DPRX: variants seen among roughly 807,000 people sequenced by gnomAD.
DPRX encodes the protein divergent-paired related homeobox.
In DPRX, 11 loss-of-function variants were observed where a neutral mutation model predicts 8.4. That is an observed-to-expected ratio of 1.31 (90% CI 0.82 to 2.17). DPRX has a LOEUF of 2.17. Ranked by LOEUF, DPRX falls within the 30% of genes most tolerant of loss-of-function variation. DPRX has a pLI of 0.00. For synonymous variants in DPRX, 72 were observed against 87.0 expected, an observed-to-expected ratio of 0.83 and a Z score of 0.96; for missense variants, 211 against 236.7, an observed-to-expected ratio of 0.89 and a Z score of 0.71.
chr19:53,609,465 T>C, the DPRX span, among the ~76,000 whole-genome samples: 1 of 16,692 alleles, frequency 6.0e-5, no homozygotes, highest in Non-Finnish European at 9.3e-5. Flanking sequence ...AGACTCGGTC[T>C]CAAAAAAAAA....
At chr19:53,605,082 G>A in the DPRX span, among the ~76,000 whole-genome samples, 1 of 152,048 alleles carries the variant, frequency 6.6e-6, no homozygotes, top group African/African-American at 2.4e-5. Flanking sequence ...GGGAGGCCGA[G>A]GCAGGCGGAC....
the DPRX span, among the ~76,000 whole-genome samples, chr19:53,604,239 C>T: frequency 6.6e-6 from 1 of 151,886 alleles, no homozygotes; most frequent in Non-Finnish European, 1.5e-5. Context: ...TCCGCGGTTT[C>T]GGGCATGTAC....
chr19:53,606,414 GGA>G, the DPRX span: 2 of 152,498 alleles, frequency 1.3e-5, no homozygotes, highest in Non-Finnish European at 2.9e-5. The surrounding 1 kb of genome is among the most constrained non-coding windows in gnomAD (Gnocchi z 4.8). Flanking sequence ...CAGCAGACAG[GGA>G]GAGAGCATCC....
chr19:53,628,642 G>T (rs888348949), upstream of DPRX, among the ~76,000 whole-genome samples: 93 of 151,906 alleles, frequency 6.1e-4, no homozygotes, highest in African/African-American at 2.1e-3. Flanking sequence ...CGGGCAGGAG[G>T]GCAATGACAC....
At chr19:53,608,647 C>T in the DPRX span, among the ~76,000 whole-genome samples, 1 of 152,156 alleles carries the variant, frequency 6.6e-6, no homozygotes, top group African/African-American at 2.4e-5. Flanking sequence ...CACTGAACTG[C>T]ATGCTTTCAA....
chr19:53,624,068 G>T, the DPRX span, among the ~76,000 whole-genome samples: 1 of 143,866 alleles, frequency 7.0e-6, no homozygotes, highest in Non-Finnish European at 1.5e-5. Flanking sequence ...TTAATGCACT[G>T]ATTGTTGTAC....
chr19:53,624,036 G>A, the DPRX span, among the ~76,000 whole-genome samples: 4 of 149,056 alleles, frequency 2.7e-5, no homozygotes, highest in Admixed American at 6.7e-5. Flanking sequence ...ATAAATATGC[G>A]ATGTAAAGAG....
chr19:53,621,695 G>C, the DPRX span, among the ~76,000 whole-genome samples: 1 of 151,862 alleles, frequency 6.6e-6, no homozygotes, highest in Non-Finnish European at 1.5e-5. Context: ...TGAGGCAGGA[G>C]AATCGGTTGA....
chr19:53,627,909 G>C (rs2091077495), upstream of DPRX, among the ~76,000 whole-genome samples: 2 of 151,758 alleles, frequency 1.3e-5, no homozygotes. Flanking sequence ...GCGCTTGCCT[G>C]TAATCCCAGT....
chr19:53,601,393 G>A, the DPRX span: 3,583 of 456,266 alleles, frequency 7.9e-3, 33 homozygotes, highest in Non-Finnish European at 9.4e-3. Flanking sequence ...AGCGTTAACC[G>A]TGAGCACACC....
chr19:53,630,585 C>T (rs1213437241), upstream of DPRX, among the ~76,000 whole-genome samples: 1 of 151,830 alleles, frequency 6.6e-6, no homozygotes, highest in African/African-American at 2.4e-5. Flanking sequence ...ATCACTTGAG[C>T]CCAGTAGGTC....
the DPRX span, among the ~76,000 whole-genome samples, chr19:53,619,685 A>AC: frequency 1.5e-5 from 2 of 137,474 alleles, no homozygotes; most frequent in African/African-American, 5.0e-5. Context: ...CAAAAAAAAA[A>AC]AAAACAAAAA....
At chr19:53,619,616 G>A in the DPRX span, among the ~76,000 whole-genome samples, 8 of 149,756 alleles carry the variant, frequency 5.3e-5, no homozygotes, top group South Asian at 4.2e-4. Flanking sequence ...CGGAGGTTGC[G>A]ATGAGCCGAG....
the DPRX span, among the ~76,000 whole-genome samples, chr19:53,613,695 G>A: frequency 1.3e-5 from 2 of 151,472 alleles, no homozygotes; most frequent in Admixed American, 6.6e-5. Flanking sequence ...CGCACTAGAA[G>A]GAAGGGAAGA....
At chr19:53,626,794 G>T in the DPRX span, among the ~76,000 whole-genome samples, 5 of 152,104 alleles carry the variant, frequency 3.3e-5, no homozygotes, top group East Asian at 9.6e-4. Flanking sequence ...CGCCTCCAGG[G>T]TTCAAGCAAT....
At chr19:53,623,977 T>TA in the DPRX span, among the ~76,000 whole-genome samples, 331 of 39,352 alleles carry the variant, frequency 8.4e-3, 1 homozygote, top group African/African-American at 0.014. Context: ...AATAAATAAA[T>TA]AATAACCATT....
At chr19:53,627,031 C>G in the DPRX span, among the ~76,000 whole-genome samples, 7 of 152,050 alleles carry the variant, frequency 4.6e-5, no homozygotes, top group African/African-American at 1.7e-4. Flanking sequence ...CAAGGTGATT[C>G]TTTAGGACAC....
chr19:53,630,846 TTTTTC>T (rs2091089878), upstream of DPRX, among the ~76,000 whole-genome samples: 1 of 151,488 alleles, frequency 6.6e-6, no homozygotes, highest in South Asian at 2.1e-4. Context: ...GTGTTGCAGC[TTTTTC>T]TTTTATTTTT....
chr19:53,609,543 G>C, the DPRX span, among the ~76,000 whole-genome samples: 1 of 149,156 alleles, frequency 6.7e-6, no homozygotes, highest in Non-Finnish European at 1.5e-5. Context: ...TAGAGCAATG[G>C]TACAGTATAG....
Sources: allele counts gnomAD v4.1 joint callset (sites outside exome capture counted in the v4.1 genomes callset), GRCh38; gene constraint gnomAD v4.1.1; non-coding constraint Gnocchi (gnomAD v3.1); transcripts MANE v1.5; gene names NCBI Gene and HGNC (gene_info 2026-07-23, HGNC 2026-07-21).